COMMD10: variants seen among roughly 807,000 people sequenced by gnomAD.
The protein encoded by COMMD10 is COMM domain containing 10, also known as COMM domain-containing protein 10.
A neutral mutation model predicts 28.9 loss-of-function variants in COMMD10; 33 were observed. That is an observed-to-expected ratio of 1.14 (90% CI 0.87 to 1.53). The LOEUF (loss-of-function observed/expected upper bound fraction) is 1.53. Among genes scored for constraint, COMMD10 ranks in the 40% most tolerant of loss-of-function variants. The probability of loss-of-function intolerance (pLI) is 0.00; values close to 1 mark genes in which losing one functional copy is unlikely to be tolerated. For missense variants in COMMD10, 310 were observed against 233.4 expected, an observed-to-expected ratio of 1.33 and a Z score of -2.14; for synonymous variants, 110 against 81.7, an observed-to-expected ratio of 1.35 and a Z score of -1.87.
chr5:116,102,102 C>T (rs1750684726), intron 4 of COMMD10, among the ~76,000 whole-genome samples: 2 of 152,034 alleles, frequency 1.3e-5, no homozygotes, highest in African/African-American at 2.4e-5. Flanking sequence ...TGTTTTCTGT[C>T]CTTTTAAGAT....
chr5:116,130,196 A>G (rs1238111601), intron 4 of COMMD10, among the ~76,000 whole-genome samples: 1 of 151,886 alleles, frequency 6.6e-6, no homozygotes, highest in Non-Finnish European at 1.5e-5. Context: ...TAGATGTAGA[A>G]TGTGCTTACT....
intron 5 of COMMD10, among the ~76,000 whole-genome samples, chr5:116,275,602 G>A (rs916672977): frequency 2.6e-5 from 4 of 151,642 alleles, no homozygotes; most frequent in Non-Finnish European, 5.9e-5. Context: ...CGTGTTGCTC[G>A]TAAATCTATG....
chr5:116,215,968 A>G (rs1749091043), intron 5 of COMMD10, among the ~76,000 whole-genome samples: 2 of 152,114 alleles, frequency 1.3e-5, no homozygotes, highest in Admixed American at 1.3e-4. Context: ...AGAGGTCAAA[A>G]TAGAAAAGCT....
intron 4 of COMMD10, among the ~76,000 whole-genome samples, chr5:116,108,920 C>T (rs1281452338): frequency 1.3e-5 from 2 of 152,140 alleles, no homozygotes; most frequent in Non-Finnish European, 2.9e-5. Context: ...TCGGTACAGT[C>T]TCTTACGGCT....
chr5:116,110,053 C>T (rs1750992163), intron 4 of COMMD10, among the ~76,000 whole-genome samples: 1 of 152,004 alleles, frequency 6.6e-6, no homozygotes, highest in Non-Finnish European at 1.5e-5. Context: ...TCTTCTATGC[C>T]CAGTTTGTTG....
At chr5:116,147,653 G>A (rs1752392625) in intron 5 of COMMD10, among the ~76,000 whole-genome samples, 1 of 151,854 alleles carries the variant, frequency 6.6e-6, no homozygotes, top group Admixed American at 6.6e-5. Context: ...TGTAATGGGT[G>A]AAGATGAAAT....
At chr5:116,151,408 T>C (rs910087736) in intron 5 of COMMD10, among the ~76,000 whole-genome samples, 2 of 152,134 alleles carry the variant, frequency 1.3e-5, no homozygotes, top group African/African-American at 2.4e-5. Flanking sequence ...CTTTTTCTAT[T>C]GATTGGAATA....
intron 4 of COMMD10, among the ~76,000 whole-genome samples, chr5:116,127,704 C>G (rs1007144708): frequency 6.6e-6 from 1 of 152,142 alleles, no homozygotes; most frequent in African/African-American, 2.4e-5. Context: ...CATGTTCTCA[C>G]TCATAGGTGG....
At position 116,292,709 on chromosome 5, in the gene COMMD10, T is replaced by C. The variant is rs995004386; in HGVS notation, c.*220T>C. ...TAGTTCTGTGAGCCAACAGTAATTA[T>C]TAAGAACACTTTCCCTTTAAAGGAA... On this transcript the variant is annotated 3_prime_UTR_variant, in exon 7 of 7. Transcript: ENST00000274458. 2.6e-5 allele frequency: 11 copies of C among 416,880 alleles called. No individual in the cohort carries two copies. The highest frequency in any genetic ancestry group is 4.6e-4 in the Middle Eastern group (1 of 2,166). 25.8% of individuals were successfully genotyped at this position (416,880 alleles called of 1,614,324 possible).
chr5:116,207,139 T>C (rs1350271349), intron 5 of COMMD10, among the ~76,000 whole-genome samples: 5 of 152,238 alleles, frequency 3.3e-5, no homozygotes, highest in Non-Finnish European at 5.9e-5. Context: ...ACAATTATTA[T>C]ATCACTATGT....
In COMMD10 at chr5:116,202,112, C is replaced by T. The variant is rs192408210; in HGVS notation, c.510+67934C>T. ...CCATGTGTTCTCATTGTTCAATTCC[C>T]ACCTATGAATGAGAACATGCAGTGT... On this transcript the variant is annotated intron_variant, in intron 5 of 6. Transcript: ENST00000274458. Among the ~76,000 whole-genome samples the T allele has an allele frequency of 8.2e-3, 1,214 of 148,574 alleles. 21 individuals carry two copies. Among genetic ancestry groups the T allele is most frequent in the African/African-American group, 0.028 (1,140 of 40,324 alleles).
intron 5 of COMMD10, among the ~76,000 whole-genome samples, chr5:116,244,247 C>T (rs1034686427): frequency 1.2e-4 from 19 of 152,072 alleles, no homozygotes; most frequent in African/African-American, 4.3e-4. Context: ...GTCTACATCA[C>T]CAGGTATCAG....
intron 3 of COMMD10, among the ~76,000 whole-genome samples, chr5:116,091,874 T>C (rs539820989): frequency 6.6e-6 from 1 of 152,334 alleles, no homozygotes; most frequent in South Asian, 2.1e-4. Flanking sequence ...AAAGTTTAAA[T>C]AGTTTTGTAA....
At chr5:116,233,402 G>T (rs377292963) in intron 5 of COMMD10, among the ~76,000 whole-genome samples, 1 of 152,106 alleles carries the variant, frequency 6.6e-6, no homozygotes. Context: ...GCATCCTTTG[G>T]AGGACTTGAA....
At chr5:116,133,728 T>C (rs1751934026) in intron 4 of COMMD10, among the ~76,000 whole-genome samples, 1 of 152,232 alleles carries the variant, frequency 6.6e-6, no homozygotes, top group Admixed American at 6.5e-5. Flanking sequence ...TCATTAGTTT[T>C]AAAAAATACT....
intron 5 of COMMD10, among the ~76,000 whole-genome samples, chr5:116,245,255 A>G (rs1749911798): frequency 6.6e-6 from 1 of 152,138 alleles, no homozygotes; most frequent in Non-Finnish European, 1.5e-5. Context: ...GAAGCAATGG[A>G]TAAATTCCTC....
chr5:116,202,963 T>A (rs1021631027), intron 5 of COMMD10, among the ~76,000 whole-genome samples: 63 of 152,152 alleles, frequency 4.1e-4, no homozygotes, highest in African/African-American at 1.4e-3. Flanking sequence ...GCCTTGCCCA[T>A]GCCTATGTCC....
At position 116,260,354 on chromosome 5, in the gene COMMD10, C is replaced by T. The variant is rs185239231; in HGVS notation, c.511-31163C>T. 7.9e-5 allele frequency among the ~76,000 whole-genome samples: 12 copies of T among 151,834 alleles called. No homozygotes were observed. In the East Asian group the frequency reaches 2.1e-3, roughly 27 times the overall value. On this transcript the variant is annotated intron_variant, in intron 5 of 6. Transcript: ENST00000274458. ...GAAACTAATGACTTTGGAGAAATTT[C>T]TTGGGTAATGTTTATTGTTAGTCAT... is the stretch of plus-strand genomic sequence containing the variant.
chr5:116,287,700 A>G (rs1224091402), intron 5 of COMMD10, among the ~76,000 whole-genome samples: 2 of 148,256 alleles, frequency 1.3e-5, no homozygotes, highest in African/African-American at 2.5e-5. Context: ...GTATGCTTTC[A>G]TTCCCTTCTC....
Sources: allele counts gnomAD v4.1 joint callset (sites outside exome capture counted in the v4.1 genomes callset), GRCh38; gene constraint gnomAD v4.1.1; transcripts MANE v1.5; gene names NCBI Gene and HGNC (gene_info 2026-07-23, HGNC 2026-07-21).